Variants in FOXRED2 observed in about 807,000 individuals in gnomAD.
FOXRED2 encodes the protein FAD dependent oxidoreductase domain containing 2, also known as FAD-dependent oxidoreductase domain-containing protein 2.
FOXRED2 carries 32 observed loss-of-function variants against 52.5 expected under a neutral mutation model. That is an observed-to-expected ratio of 0.61 (90% CI 0.46 to 0.82). The LOEUF is 0.82. FOXRED2 is among the 40% of genes least tolerant of loss of function. The pLI is 0.00. For synonymous variants in FOXRED2, 405 were observed against 398.1 expected, an observed-to-expected ratio of 1.02 and a Z score of -0.21; for missense variants, 848 against 937.5, an observed-to-expected ratio of 0.90 and a Z score of 1.25.
At chr22:36,491,393 G>A (rs1933752028) in intron 8 of FOXRED2, among the ~76,000 whole-genome samples, 1 of 152,032 alleles carries the variant, frequency 6.6e-6, no homozygotes, top group African/African-American at 2.4e-5. Context: ...TCACAGGAGT[G>A]GTTTCTTTTT....
intron 5 of FOXRED2, among the ~76,000 whole-genome samples, chr22:36,500,813 G>T (rs1389923131): frequency 6.6e-6 from 1 of 151,954 alleles, no homozygotes; most frequent in Non-Finnish European, 1.5e-5. Context: ...TGAACTCCTG[G>T]CCTGAAGCAA....
chr22:36,500,431 A>G (rs929383428), intron 5 of FOXRED2, among the ~76,000 whole-genome samples: 1 of 152,106 alleles, frequency 6.6e-6, no homozygotes, highest in African/African-American at 2.4e-5. Context: ...CACAAGTATC[A>G]ATTTTTGGTT....
Position 36,506,166 on chromosome 22 carries a change from G to C in FOXRED2, c.257C>G (p.Thr86Arg). 1 of 1,614,262 alleles carries C rather than the reference G, an allele frequency of 6.2e-7. No individual in the cohort carries two copies. Among genetic ancestry groups the C allele is most frequent in the Non-Finnish European group, 8.5e-7 (1 of 1,180,042 alleles). ...GTTGAACTCGGCGTTAGCCTTGCCCGTGTACCGCTTGTTGATGCTGATGAG... is the reference window on the plus strand; with the variant it reads ...GTTGAACTCGGCGTTAGCCTTGCCCCTGTACCGCTTGTTGATGCTGATGAG... The part of the protein sequence containing the change: ...RKLISINKRY[T>R]GKANAEFNLR... Residue 86 changes from threonine to arginine, a missense_variant, in exon 2 of 9, where the codon ACG (threonine) becomes AGG (arginine). Transcript: ENST00000397224.
At chr22:36,501,577 G>A (rs1246977575) in intron 4 of FOXRED2, among the ~76,000 whole-genome samples, 170 bp from the exon 5 acceptor site, 2 of 151,912 alleles carry the variant, frequency 1.3e-5, no homozygotes, top group South Asian at 2.1e-4. Context: ...TATCCTGCCT[G>A]AGCCTCCCGA....
Position 36,490,002 on chromosome 22 carries a change from G to A in FOXRED2, c.*6C>T. On this transcript the variant is annotated 3_prime_UTR_variant, in exon 9 of 9. Coordinates refer to ENST00000397224, the MANE Select transcript of FOXRED2 (RefSeq NM_001102371.2). ...GCCACTGTGCCCACAGCTTAGGAAG[G>A]GACAGTCAGAGCTCCTCTTTGTTGC... 1 of 1,561,620 alleles carries A rather than the reference G, an allele frequency of 6.4e-7. No individual in the cohort carries two copies. Among genetic ancestry groups the A allele is most frequent in the Non-Finnish European group, 8.7e-7 (1 of 1,149,450 alleles).
chr22:36,502,849 T>C (rs1340474327), intron 4 of FOXRED2, among the ~76,000 whole-genome samples: 2 of 151,908 alleles, frequency 1.3e-5, no homozygotes, highest in South Asian at 2.1e-4. Context: ...CGTGCCACCA[T>C]GCCTGGCTAA....
intron 8 of FOXRED2, among the ~76,000 whole-genome samples, chr22:36,493,078 G>A (rs1568986650): frequency 6.6e-6 from 1 of 152,210 alleles, no homozygotes; most frequent in Non-Finnish European, 1.5e-5. Flanking sequence ...TCCTGCTCCA[G>A]CTCTGTCTTC....
At chr22:36,495,850 G>T in intron 7 of FOXRED2, 117 bp downstream of exon 7, 1 of 1,173,098 alleles carries the variant, frequency 8.5e-7, no homozygotes, top group Non-Finnish European at 1.2e-6. Flanking sequence ...GCAGAGTCCC[G>T]CAGCCATCCC....
rs1018851405 is a variant in FOXRED2 at position 36,498,682 on chromosome 22, ATCTGTC to A, written c.1217-532_1217-527del. On this transcript the variant is annotated intron_variant, in intron 5 of 8. Transcript: ENST00000397224. ...GCCCTCTCTTTCACAGCCTAAATCC[ATCTGTC>A]TCTAAGTTCTTTTTTTAAATATTTT... is the stretch of plus-strand genomic sequence containing the variant. Among the ~76,000 whole-genome samples, 8 of 152,156 alleles carry A rather than the reference ATCTGTC, an allele frequency of 5.3e-5. No homozygotes were observed. The East Asian group carries it at 7.7e-4, about 15-fold the overall frequency.
Position 36,506,037 on chromosome 22 carries a change from A to T in FOXRED2, c.386T>A (p.Leu129Gln). The part of the protein sequence containing the change: ...FPDARDMVRY[L>Q]GDFADTLGLR... ...CCCCAGCGTGTCCGCGAAGTCACCC[A>T]GGTAGCGCACCATGTCGCGGGCGTC... Residue 129 changes from leucine (L) to glutamine (Q), a missense_variant, in exon 2 of 9, where the codon CTG becomes CAG. Physicochemically the swap from Leu to Gln is moderately radical, Grantham distance 113. Transcript: ENST00000397224. The T allele has an allele frequency of 6.2e-7, 1 of 1,614,240 alleles. No individual in the cohort carries two copies. The highest frequency in any genetic ancestry group is 8.5e-7 in the Non-Finnish European group (1 of 1,180,038).
intron 4 of FOXRED2, among the ~76,000 whole-genome samples, chr22:36,503,788 G>A (rs1409202004): frequency 1.3e-5 from 2 of 152,220 alleles, no homozygotes; most frequent in Non-Finnish European, 1.5e-5. Context: ...CAGCCACTAC[G>A]CTATATTGCC....
Position 36,493,784 on chromosome 22 carries a change from G to C in FOXRED2, c.1644C>G (p.Arg548=). ...YLPTEQEVRF[R]PAHWPLPRPT... ...GCCGAGGCAGGGGCCAGTGTGCAGG[G>C]CGGAACCTCACCTCCTGTTCTGTGG... Residue 548 remains arginine, a synonymous_variant, in exon 8 of 9, where the codon CGC becomes CGG. Transcript: ENST00000397224. The C allele has an allele frequency of 6.2e-7, 1 of 1,614,216 alleles. No individual in the cohort carries two copies.
In FOXRED2 at chr22:36,506,337, G is replaced by T; in HGVS notation, c.86C>A (p.Pro29Gln). 6.7e-7 allele frequency: 1 copy of T among 1,495,050 alleles called. No individual in the cohort carries two copies. Among genetic ancestry groups the T allele is most frequent in the Non-Finnish European group, 8.9e-7 (1 of 1,124,888 alleles). The allele number at this position is 1,495,050 out of a possible 1,614,324, so 92.6% of individuals were successfully genotyped here. ...GCCCAGCACGCAGTAGTCCCGGCGC[G>T]GGGGCACCGACAGCGCTGGGTGCAG... The part of the protein sequence containing the change: ...IALHPALSVP[P>Q]RRDYCVLGAG... Residue 29 changes from proline (P) to glutamine (Q), a missense_variant, in exon 2 of 9, where the codon CCG (proline) becomes CAG (glutamine). Coordinates refer to ENST00000397224, the MANE Select transcript of FOXRED2 (RefSeq NM_001102371.2).
At chr22:36,497,956 G>T in intron 6 of FOXRED2, 35 bp downstream of exon 6, 1 of 1,596,006 alleles carries the variant, frequency 6.3e-7, no homozygotes, top group Non-Finnish European at 8.6e-7. Context: ...GGGAAAGCTG[G>T]GCCGAGGGGA....
At chr22:36,506,710 C>A (rs8135964) in intron 1 of FOXRED2, 53,061 of 384,298 alleles carry the variant, frequency 0.14, 4,732 homozygotes, top group African/African-American at 0.31. Flanking sequence ...GGAAGGAGAG[C>A]GTACTCCCCA....
chr22:36,499,855 G>A (rs1343507041), intron 5 of FOXRED2, among the ~76,000 whole-genome samples: 1 of 152,116 alleles, frequency 6.6e-6, no homozygotes. Context: ...AGGCTGGAGT[G>A]CAATGGTGTG....
chr22:36,493,504 T>C lies in FOXRED2; in HGVS notation c.1795+129A>G, dbSNP rs932583458. 5.9e-6 allele frequency: 4 copies of C among 674,290 alleles called. No individual in the cohort carries two copies. The African/African-American group carries it at 7.3e-5, about 12-fold the overall frequency. 41.8% of individuals were successfully genotyped at this position (674,290 alleles called of 1,614,324 possible). On this transcript the variant is annotated intron_variant, in intron 8 of 8. Transcript: ENST00000397224. ...GTGAGTTGTAATTTAACCCACGGCATTGTCGGGAACAGTAGTCTGGGGTTT... is the reference window on the plus strand; with the variant it reads ...GTGAGTTGTAATTTAACCCACGGCACTGTCGGGAACAGTAGTCTGGGGTTT...
Position 36,504,708 on chromosome 22 carries a change from C to T in FOXRED2, c.586G>A (p.Glu196Lys), listed in dbSNP as rs1268967073. Residue 196 changes from glutamate (E) to lysine (K), a missense_variant, in exon 3 of 9, where the codon GAA becomes AAA. Physicochemically the swap from Glu to Lys is moderately conservative, Grantham distance 56. Coordinates refer to ENST00000397224, the MANE Select transcript of FOXRED2 (RefSeq NM_001102371.2). ...VPNQVDFPGS[E>K]YAEGYESVSV... is the part of the protein sequence containing the mutation. Reference sequence around the variant, plus strand: ...ACGGACTCGTAACCCTCTGCATATTCGGAGCCAGGGAAGTCAACCTGGTTG... The same window carrying T: ...ACGGACTCGTAACCCTCTGCATATTTGGAGCCAGGGAAGTCAACCTGGTTG... 12 of 1,614,030 alleles carry T rather than the reference C, an allele frequency of 7.4e-6. No individual in the cohort carries two copies. In the East Asian group the frequency reaches 8.9e-5, roughly 12 times the overall value.
At chr22:36,493,110 G>A (rs1029797971) in intron 8 of FOXRED2, among the ~76,000 whole-genome samples, 2 of 152,134 alleles carry the variant, frequency 1.3e-5, no homozygotes, top group African/African-American at 4.8e-5. Flanking sequence ...TGGCCCTGGC[G>A]CCTTCCCATG....
Sources: gnomAD v4.1 joint callset for allele counts (sites outside exome capture counted in the v4.1 genomes callset) on GRCh38, gnomAD v4.1.1 for gene constraint, MANE v1.5 for transcripts, NCBI Gene and HGNC (gene_info 2026-07-23, HGNC 2026-07-21) for gene names.